SDHA: variants seen among roughly 807,000 people sequenced by gnomAD.
SDHA encodes the protein succinate dehydrogenase complex flavoprotein subunit A.
Under a neutral mutation model 78.4 loss-of-function variants are expected in SDHA, and 48 were observed. The ratio of observed to expected loss-of-function variants is 0.61; its 90% CI spans 0.49 to 0.78. The LOEUF (loss-of-function observed/expected upper bound fraction) is 0.78. Ranked by LOEUF, SDHA falls within the 30% of genes least tolerant of loss-of-function variation. The probability of loss-of-function intolerance (pLI) is 0.00; values close to 1 mark genes in which losing one functional copy is unlikely to be tolerated. For synonymous variants in SDHA, 326 were observed against 353.9 expected, an observed-to-expected ratio of 0.92 and a Z score of 0.88; for missense variants, 680 against 892.7, an observed-to-expected ratio of 0.76 and a Z score of 3.04.
chr5:248,689 T>C (rs530684401), intron 11 of SDHA, among the ~76,000 whole-genome samples: 3 of 152,248 alleles, frequency 2.0e-5, no homozygotes, highest in African/African-American at 7.2e-5. Flanking sequence ...TTTGGGAAGA[T>C]TGCATTGCAG....
intron 11 of SDHA, among the ~76,000 whole-genome samples, chr5:242,394 C>T (rs2126608911): frequency 6.6e-6 from 1 of 152,348 alleles, no homozygotes; most frequent in East Asian, 1.9e-4. Context: ...CATGAGCGAT[C>T]TGTGCCTTAA....
At chr5:265,695 A>G in the SDHA span, among the ~76,000 whole-genome samples, 2 of 151,984 alleles carry the variant, frequency 1.3e-5, no homozygotes, top group African/African-American at 4.8e-5. Flanking sequence ...TGGTGGGTGC[A>G]TGTAATCCCA....
chr5:239,591 T>C (rs1380778929), intron 10 of SDHA, among the ~76,000 whole-genome samples: 2 of 151,090 alleles, frequency 1.3e-5, no homozygotes, highest in Non-Finnish European at 2.9e-5. Flanking sequence ...TCTTGAAGTA[T>C]AGTTGAGAGC....
intron 10 of SDHA, among the ~76,000 whole-genome samples, 163 bp downstream of exon 10, chr5:236,762 C>T (rs1253268257): frequency 6.6e-6 from 1 of 152,208 alleles, no homozygotes; most frequent in African/African-American, 2.4e-5. Flanking sequence ...CCTCAACCTT[C>T]AGAGTCCCAA....
At chr5:248,243 A>G (rs1331905191) in intron 11 of SDHA, among the ~76,000 whole-genome samples, 2 of 151,850 alleles carry the variant, frequency 1.3e-5, no homozygotes, top group Middle Eastern at 3.2e-3. Flanking sequence ...GAGGATCCCG[A>G]GGACCCCTCG....
intron 8 of SDHA, chr5:234,892 C>A: frequency 1.8e-6 from 1 of 549,160 alleles, no homozygotes; most frequent in Non-Finnish European, 3.3e-6. Context: ...AGGCTGTGAT[C>A]CCTGAGACGA....
At chr5:236,250 C>T in intron 9 of SDHA, 178 bp from the exon 10 acceptor site, 1 of 680,038 alleles carries the variant, frequency 1.5e-6, no homozygotes, top group South Asian at 1.6e-5. Flanking sequence ...GTCTTGAACC[C>T]CTGACCTCAG....
At chr5:250,706 C>G in intron 11 of SDHA, 1 of 405,524 alleles carries the variant, frequency 2.5e-6, no homozygotes, top group Non-Finnish European at 4.7e-6. Flanking sequence ...TGGTGCCTCA[C>G]AGGCAGTCTG....
chr5:228,157 C>T (rs367891683), intron 5 of SDHA, 28 bp from the exon 6 acceptor site: 19 of 1,598,980 alleles, frequency 1.2e-5, no homozygotes, highest in Non-Finnish European at 1.5e-5. Flanking sequence ...CTTAACACTT[C>T]TTGCCCTTTT....
At chr5:242,215 T>C (rs1295344102) in intron 11 of SDHA, among the ~76,000 whole-genome samples, 3 of 152,164 alleles carry the variant, frequency 2.0e-5, no homozygotes, top group Non-Finnish European at 4.4e-5. Flanking sequence ...GGCCCCCAAA[T>C]GTGGCCCAAA....
At chr5:223,619 G>T (rs750709020) in intron 2 of SDHA, 51 bp downstream of exon 2, 1 of 1,411,920 alleles carries the variant, frequency 7.1e-7, no homozygotes, top group African/African-American at 1.4e-5. Flanking sequence ...GGCTTAGGGG[G>T]TAAGGATCTA....
chr5:223,655 T>C (rs1000198147), intron 2 of SDHA, 87 bp downstream of exon 2: 5 of 961,954 alleles, frequency 5.2e-6, no homozygotes, highest in African/African-American at 3.2e-5. Context: ...ATATGAGTCA[T>C]AGACATAAGG....
chr5:263,226 C>T, the SDHA span, among the ~76,000 whole-genome samples: 1 of 152,136 alleles, frequency 6.6e-6, no homozygotes, highest in Non-Finnish European at 1.5e-5. Context: ...AGGTGTGAGC[C>T]ACTGCCAGAA....
intron 5 of SDHA, among the ~76,000 whole-genome samples, chr5:226,999 G>GT (rs1249297407): frequency 1.3e-5 from 2 of 150,882 alleles, no homozygotes; most frequent in Non-Finnish European, 2.9e-5. Context: ...GAATGGATTG[G>GT]TTTTGTTTGT....
In SDHA at chr5:257,005, G is replaced by A. The variant is rs867394557; in HGVS notation, c.*585G>A. Among the ~76,000 whole-genome samples, 211 of 151,998 alleles carry A rather than the reference G, an allele frequency of 1.4e-3. 1 individual carries two copies. Among genetic ancestry groups the A allele is most frequent in the African/African-American group, 4.8e-3 (199 of 41,424 alleles). On this transcript the variant is annotated 3_prime_UTR_variant, in exon 15 of 15. Transcript: ENST00000264932. Reference sequence around the variant, plus strand: ...GTAATTGTAGGGACAGGGTCTCACTGTGTTGCCTAGGCTGGTCTCAAGTGA... The same window carrying A: ...GTAATTGTAGGGACAGGGTCTCACTATGTTGCCTAGGCTGGTCTCAAGTGA...
chr5:234,623 A>C (rs1735649441), intron 8 of SDHA: 2 of 175,096 alleles, frequency 1.1e-5, no homozygotes, highest in Admixed American at 1.1e-4. Context: ...CGTAGCATTT[A>C]CATTGTATTA....
rs762494024 is a variant in SDHA at position 236,475 on chromosome 5, C to T, written c.1308C>T (p.Tyr436=). Residue 436 remains tyrosine, a synonymous_variant, in exon 10 of 15, where the codon TAC becomes TAT. Coordinates refer to ENST00000264932, the MANE Select transcript of SDHA (RefSeq NM_004168.4). The stretch of plus-strand genomic sequence containing the variant: ...AGGATCAGATTGTGCCCGGCCTGTA[C>T]GCCTGTGGGGAGGCCGCCTGTGCCT... ...NGQDQIVPGL[Y]ACGEAACASV... is the part of the protein sequence containing the mutation. The T allele has an allele frequency of 2.4e-5, 38 of 1,613,828 alleles. No individual in the cohort carries two copies. Among genetic ancestry groups the T allele is most frequent in the Admixed American group, 2.0e-4 (12 of 60,002 alleles).
At chr5:239,441 C>T (rs570690222) in intron 10 of SDHA, among the ~76,000 whole-genome samples, 1 of 152,060 alleles carries the variant, frequency 6.6e-6, no homozygotes, top group South Asian at 2.1e-4. Flanking sequence ...TCCTGTAGTC[C>T]CAGCTACTCT....
chr5:221,003 C>T (rs1315846725), intron 1 of SDHA, among the ~76,000 whole-genome samples: 2 of 151,910 alleles, frequency 1.3e-5, no homozygotes, highest in African/African-American at 2.4e-5. Flanking sequence ...TTAGTAGAGA[C>T]GGGGTTTCAC....
Sources: allele counts gnomAD v4.1 joint callset (sites outside exome capture counted in the v4.1 genomes callset), GRCh38; gene constraint gnomAD v4.1.1; transcripts MANE v1.5; gene names NCBI Gene and HGNC (gene_info 2026-07-23, HGNC 2026-07-21).